FOCAD: variants seen among roughly 807,000 people sequenced by gnomAD.
FOCAD encodes the protein focadhesin.
Under a neutral mutation model 225.6 loss-of-function variants are expected in FOCAD, and 198 were observed. The ratio of observed to expected loss-of-function variants is 0.88; its 90% CI spans 0.78 to 0.99. FOCAD has a LOEUF of 0.99. FOCAD is among the 50% of genes least tolerant of loss of function. The pLI, the probability that FOCAD is intolerant of heterozygous loss-of-function variation, is 0.00. For missense variants in FOCAD, 2,713 were observed against 2,123.6 expected, an observed-to-expected ratio of 1.28 and a Z score of -5.46; for synonymous variants, 897 against 755.0, an observed-to-expected ratio of 1.19 and a Z score of -3.08.
At chr9:20,848,017 G>A (rs565119590) in intron 15 of FOCAD, among the ~76,000 whole-genome samples, 1 of 152,102 alleles carries the variant, frequency 6.6e-6, no homozygotes, top group African/African-American at 2.4e-5. Flanking sequence ...AAATTATGGG[G>A]TGTAGGAGGT....
chr9:20,949,491 A>G (rs1484739134), intron 32 of FOCAD, 113 bp from the exon 33 acceptor site: 5 of 772,484 alleles, frequency 6.5e-6, no homozygotes, highest in Non-Finnish European at 4.4e-6. Context: ...ATAGAAGGAC[A>G]TAATGATAAA....
intron 35 of FOCAD, among the ~76,000 whole-genome samples, chr9:20,953,944 C>T (rs191755611): frequency 2.6e-5 from 4 of 152,222 alleles, no homozygotes; most frequent in Admixed American, 2.6e-4. Flanking sequence ...TTGTGAGGGT[C>T]ATGGAAGTAA....
At chr9:20,694,568 A>G (rs1038105636) in intron 1 of FOCAD, 23 of 152,328 alleles carry the variant, frequency 1.5e-4, no homozygotes, top group African/African-American at 4.6e-4. Flanking sequence ...GAAAATGGTA[A>G]TAATTTTTTT....
chr9:20,706,610 C>A lies in FOCAD; in HGVS notation c.-32-8712C>A, dbSNP rs542046898. On this transcript the variant is annotated intron_variant, in intron 1 of 43. Transcript: ENST00000338382. ...AGAAACCTCTGTTCTCACTTGAACTCTGTCATGATGACTTTCCTTTTTGGC... is the reference window on the plus strand; with the variant it reads ...AGAAACCTCTGTTCTCACTTGAACTATGTCATGATGACTTTCCTTTTTGGC... Among the ~76,000 whole-genome samples the A allele has an allele frequency of 5.4e-4, 82 of 152,340 alleles. No individual in the cohort carries two copies. The South Asian group carries it at 0.016, about 30-fold the overall frequency.
chr9:20,767,483 C>G (rs1160396561), intron 7 of FOCAD, among the ~76,000 whole-genome samples: 1 of 151,058 alleles, frequency 6.6e-6, no homozygotes, highest in Non-Finnish European at 1.5e-5. Context: ...CTCTCCAGCA[C>G]CTGTTGTTTC....
At chr9:20,943,136 G>C (rs1836834449) in intron 28 of FOCAD, among the ~76,000 whole-genome samples, 1 of 152,144 alleles carries the variant, frequency 6.6e-6, no homozygotes, top group Admixed American at 6.5e-5. Context: ...TTAATCAAGA[G>C]TAGCCTTTCC....
intron 18 of FOCAD, among the ~76,000 whole-genome samples, chr9:20,871,181 G>T (rs906031312): frequency 6.6e-6 from 1 of 151,704 alleles, no homozygotes; most frequent in Non-Finnish European, 1.5e-5. Flanking sequence ...TCCAGCCCAG[G>T]CAACAGAGCA....
chr9:20,858,730 G>T (rs944690161), intron 15 of FOCAD, among the ~76,000 whole-genome samples: 2 of 151,928 alleles, frequency 1.3e-5, no homozygotes, highest in African/African-American at 2.4e-5. Context: ...CACTTTATTG[G>T]TATCAACTTT....
chr9:20,804,909 A>T (rs1365500520), intron 11 of FOCAD, among the ~76,000 whole-genome samples: 1 of 152,102 alleles, frequency 6.6e-6, no homozygotes, highest in Non-Finnish European at 1.5e-5. Flanking sequence ...TTTTCAGATC[A>T]CTTAAAAAAA....
rs1221679775 is a variant in FOCAD, at chr9:20,874,825, G to A, written c.2317+18G>A. 1.2e-6 allele frequency: 2 copies of A among 1,613,152 alleles called. No homozygotes were observed. The highest frequency in any genetic ancestry group is 3.3e-5 in the Admixed American group (2 of 59,966). ...TTTACCAGGTGACTCCTATTTGGTA[G>A]TAGAGAAGCTAGCATTTTTTAGTGG... On this transcript the variant is annotated intron_variant, in intron 19 of 43. Coordinates refer to ENST00000338382, the MANE Select transcript of FOCAD (RefSeq NM_001375567.1).
At chr9:20,668,274 T>C (rs1411628445) in intron 2 of FOCAD, among the ~76,000 whole-genome samples, 1 of 152,216 alleles carries the variant, frequency 6.6e-6, no homozygotes, top group Non-Finnish European at 1.5e-5. Flanking sequence ...ATATGATCTT[T>C]AATGACTCCA....
intron 28 of FOCAD, among the ~76,000 whole-genome samples, chr9:20,939,116 C>T (rs1031575081): frequency 2.4e-4 from 29 of 122,514 alleles, no homozygotes; most frequent in Non-Finnish European, 1.6e-4. Context: ...TGCCACTGCA[C>T]TCCAGCCTGG....
Position 20,933,019 on chromosome 9 carries a change from T to C in FOCAD, c.3323T>C (p.Ile1108Thr). ...SRLCEEKLSD[I>T]SGQEMNLLLM... ...TCCCCTTGATCTTTAACCAGTGATA[T>C]ATCTGGCCAAGAGATGAACCTTCTT... The change falls in exon 28 of 44, where the codon ATA becomes ACA. Residue 1108 changes from isoleucine (I) to threonine (T), a missense_variant. Physicochemically the swap from Ile to Thr is moderately conservative, Grantham distance 89 (BLOSUM62 -1). Transcript: ENST00000338382. The C allele has an allele frequency of 6.2e-7, 1 of 1,613,052 alleles. No individual in the cohort carries two copies.
chr9:20,795,207 T>G (rs1289086011), intron 11 of FOCAD, among the ~76,000 whole-genome samples: 1 of 152,196 alleles, frequency 6.6e-6, no homozygotes, highest in Non-Finnish European at 1.5e-5. Context: ...AAAATAAGCT[T>G]AAATCTTACC....
At position 20,781,728 on chromosome 9, in the gene FOCAD, T is replaced by A; in HGVS notation, c.996T>A (p.Ala332=). The change falls in exon 10 of 44, where the codon GCT becomes GCA. Residue 332 remains alanine, a splice_region_variant and synonymous_variant. Coordinates refer to ENST00000338382, the MANE Select transcript of FOCAD (RefSeq NM_001375567.1). ...ASQQKPILNL[A]LKLLSVTEDQ... ...GTGCATTATTGTTTTGATGAATAGC[T>A]TTGAAGCTCCTCTCTGTTACTGAGG... The A allele has an allele frequency of 6.2e-7, 1 of 1,613,280 alleles. No homozygotes were observed. Among genetic ancestry groups the A allele is most frequent in the Non-Finnish European group, 8.5e-7 (1 of 1,179,828 alleles).
chr9:20,982,504 T>A (rs4304410), intron 39 of FOCAD, 58 bp downstream of exon 39: 3 of 1,398,296 alleles, frequency 2.1e-6, no homozygotes, highest in Non-Finnish European at 3.0e-6. Context: ...TACGATTGAA[T>A]AATTGATTTC....
At chr9:20,897,372 T>C (rs1832180825) in intron 21 of FOCAD, among the ~76,000 whole-genome samples, 1 of 151,838 alleles carries the variant, frequency 6.6e-6, no homozygotes, top group African/African-American at 2.4e-5. Flanking sequence ...CCAAAATGAT[T>C]ATTGATATAT....
chr9:20,820,676 GA>G lies in FOCAD; in HGVS notation c.1662+254del, dbSNP rs531734875. 1.2e-4 allele frequency among the ~76,000 whole-genome samples: 18 copies of G among 152,204 alleles called. No homozygotes were observed. The East Asian group carries it at 2.7e-3, about 23-fold the overall frequency. ...TTTCCATTTGCTTGAGAAAGTAATG[GA>G]AATATAGTTATAAATGATTAGAGCC... On this transcript the variant is annotated intron_variant, in intron 13 of 43. Coordinates refer to ENST00000338382, the MANE Select transcript of FOCAD (RefSeq NM_001375567.1).
In FOCAD at chr9:20,929,171, ACATTT is replaced by A. The variant is rs1835231094; in HGVS notation, c.3079-182_3079-178del. ...ATATTATTAATTATTTAGTAGCAAAACATTTCATTAATAATGAAAACATAATCTAT... is the reference window on the plus strand; with the variant it reads ...ATATTATTAATTATTTAGTAGCAAAACATTAATAATGAAAACATAATCTAT... On this transcript the variant is annotated intron_variant, in intron 26 of 43. Coordinates refer to ENST00000338382, the MANE Select transcript of FOCAD (RefSeq NM_001375567.1). 3 of 547,482 alleles carry A rather than the reference ACATTT, an allele frequency of 5.5e-6. No homozygotes were observed. The South Asian group carries it at 8.0e-5, about 15-fold the overall frequency. The allele number at this position is 547,482 out of a possible 1,614,324, so 33.9% of individuals were successfully genotyped here.
Sources: allele counts gnomAD v4.1 joint callset (sites outside exome capture counted in the v4.1 genomes callset), GRCh38; gene constraint gnomAD v4.1.1; transcripts MANE v1.5; gene names NCBI Gene and HGNC (gene_info 2026-07-23, HGNC 2026-07-21).